The following NCDN variants were observed in gnomAD, a reference collection of about 807,000 sequenced individuals.
NCDN encodes the protein norbin.
Under a neutral mutation model 60.7 loss-of-function variants are expected in NCDN, and 9 were observed. The ratio of observed to expected loss-of-function variants is 0.15; its 90% CI spans 0.09 to 0.26. The LOEUF (loss-of-function observed/expected upper bound fraction) is 0.26. NCDN is among the 10% of genes least tolerant of loss of function. The pLI, the probability that NCDN is intolerant of heterozygous loss-of-function variation, is 1.00. For synonymous variants in NCDN, 409 were observed against 442.5 expected (o/e 0.92, Z 0.95); for missense variants, 578 against 975.2 (o/e 0.59, Z 5.42).
At position 35,558,146 on chromosome 1, in the gene NCDN, C is replaced by T; in HGVS notation, c.-45C>T. The T allele has an allele frequency of 6.2e-7, 1 of 1,612,258 alleles. No homozygotes were observed. The highest frequency in any genetic ancestry group is 8.5e-7 in the Non-Finnish European group (1 of 1,178,608). On this transcript the variant is annotated 5_prime_UTR_variant, in exon 1 of 7. Coordinates refer to ENST00000373243, the MANE Select transcript of NCDN (RefSeq NM_014284.3). The surrounding 1 kb of genome is among the most constrained non-coding windows in gnomAD (Gnocchi z 6.3). ...TGATCTCTCCGTGACATCACCGCGC[C>T]ATCGTGAAGTGTGATCTCATCGCCG...
Position 35,561,034 on chromosome 1 carries a change from G to T in NCDN, c.883G>T (p.Asp295Tyr), listed in dbSNP as rs369452951. ...CCGCCTGGCACACGCCTGCGGCTCC[G>T]ACTGGATCCCGGCGGGCAGCTCCGG... is the stretch of plus-strand genomic sequence containing the variant. ...AARLAHACGS[D>Y]WIPAGSSGSK... The change falls in exon 3 of 7, where the codon GAC (aspartate) becomes TAC (tyrosine). Residue 295 changes from aspartate to tyrosine, a missense_variant. Around this residue, in one of 3 missense-constraint regions of NCDN, gnomAD observed 363 missense variants for 583.6 expected, o/e 0.62. Transcript: ENST00000373243. The surrounding 1 kb of genome is among the most constrained non-coding windows in gnomAD (Gnocchi z 4.9). The T allele has an allele frequency of 1.2e-6, 2 of 1,612,972 alleles. No homozygotes were observed. Among genetic ancestry groups the T allele is most frequent in the South Asian group, 1.1e-5 (1 of 91,028 alleles).
Position 35,562,434 on chromosome 1 carries a change from G to C in NCDN, c.1186G>C (p.Val396Leu). The change falls in exon 4 of 7, where the codon GTG becomes CTG. Residue 396 changes from valine (V) to leucine (L), a missense_variant. Around this residue, in one of 3 missense-constraint regions of NCDN, gnomAD observed 363 missense variants for 583.6 expected, o/e 0.62. Coordinates refer to ENST00000373243, the MANE Select transcript of NCDN (RefSeq NM_014284.3). This position sits in a 1 kb window ranked among gnomAD's most constrained non-coding sequence, Gnocchi z 6.8. The part of the protein sequence containing the change: ...KQKEPFVFAS[V>L]RILGAWLAEE... ...GAAGGAGCCCTTTGTGTTTGCCTCGGTGCGGATCCTGGGTGCCTGGCTGGC... is the reference window on the plus strand; with the variant it reads ...GAAGGAGCCCTTTGTGTTTGCCTCGCTGCGGATCCTGGGTGCCTGGCTGGC... The C allele has an allele frequency of 6.2e-7, 1 of 1,614,194 alleles. No homozygotes were observed. The highest frequency in any genetic ancestry group is 8.5e-7 in the Non-Finnish European group (1 of 1,180,038).
In NCDN at chr1:35,558,757, C is replaced by T. The variant is rs577374953; in HGVS notation, c.34-350C>T. ...GTGTCCCTGTGGAGGGAGATAAAAC[C>T]CAGCCTCCGGTGCCAGGGGGACAGC... On this transcript the variant is annotated intron_variant, in intron 1 of 6. Transcript: ENST00000373243. The surrounding 1 kb of genome is among the most constrained non-coding windows in gnomAD (Gnocchi z 6.3). 182 of 1,134,822 alleles carry T rather than the reference C, an allele frequency of 1.6e-4. 1 individual carries two copies. The South Asian group carries it at 4.7e-3, about 29-fold the overall frequency. The allele number at this position is 1,134,822 out of a possible 1,614,324, so 70.3% of individuals were successfully genotyped here. A position where few individuals can be genotyped will look rare whatever the true frequency, so the allele number is the denominator to read the frequency against.
In NCDN at chr1:35,565,919, G is replaced by A. The variant is rs1355786460; in HGVS notation, c.*256G>A. On this transcript the variant is annotated 3_prime_UTR_variant, in exon 7 of 7. Coordinates refer to ENST00000373243, the MANE Select transcript of NCDN (RefSeq NM_014284.3). The surrounding 1 kb of genome is among the most constrained non-coding windows in gnomAD (Gnocchi z 8.9). ...TGGTTGTCCCCGCCAGGCCGGGGAA[G>A]GTTGGAGCAGCCCCCAGGGAGGGGG... is the stretch of plus-strand genomic sequence containing the variant. 2.0e-6 allele frequency: 1 copy of A among 491,490 alleles called. No homozygotes were observed. Among genetic ancestry groups the A allele is most frequent in the Non-Finnish European group, 3.6e-6 (1 of 274,346 alleles). The allele number at this position is 491,490 out of a possible 1,614,324, so 30.4% of individuals were successfully genotyped here. A position where few individuals can be genotyped will look rare whatever the true frequency, so the allele number is the denominator to read the frequency against.
rs954497596 is a variant in NCDN at position 35,557,834 on chromosome 1, C to T, written c.-357C>T. The T allele has an allele frequency of 1.1e-5, 6 of 551,782 alleles. No individual in the cohort carries two copies. Among genetic ancestry groups the T allele is most frequent in the Non-Finnish European group, 1.7e-5 (5 of 290,060 alleles). The allele number at this position is 551,782 out of a possible 1,614,324, so 34.2% of individuals were successfully genotyped here. On this transcript the variant is annotated 5_prime_UTR_variant, in exon 1 of 7. Coordinates refer to ENST00000373243, the MANE Select transcript of NCDN (RefSeq NM_014284.3). ...GCGGCGTGAGCAGCGGCCCGAGGCT[C>T]CCGGAGCATCGCGCTGGGAGAAGAC...
Position 35,563,298 on chromosome 1 carries a change from C to T in NCDN, c.1482C>T (p.Phe494=). 1 of 1,614,226 alleles carries T rather than the reference C, an allele frequency of 6.2e-7. No homozygotes were observed. Among genetic ancestry groups the T allele is most frequent in the Non-Finnish European group, 8.5e-7 (1 of 1,180,038 alleles). ...CCCCCTCGCTTCTGTGCAAGTATTT[C>T]CTGCAGCAGTGGGAACTCACATCCC... ...EGAPSLLCKY[F]LQQWELTSPG... is the part of the protein sequence containing the mutation. Residue 494 remains phenylalanine, a synonymous_variant, in exon 5 of 7, where the codon TTC becomes TTT. Transcript: ENST00000373243. The surrounding 1 kb of genome is among the most constrained non-coding windows in gnomAD (Gnocchi z 6.6).
In NCDN at chr1:35,558,435, C is replaced by CGCTGCT. The variant is rs1376036118; in HGVS notation, c.33+224_33+229dup. 31 of 1,428,760 alleles carry CGCTGCT rather than the reference C, an allele frequency of 2.2e-5. No individual in the cohort carries two copies. Among genetic ancestry groups the CGCTGCT allele is most frequent in the Middle Eastern group, 2.5e-4 (1 of 4,064 alleles). 88.5% of individuals were successfully genotyped at this position (1,428,760 alleles called of 1,614,324 possible). A position where few individuals can be genotyped will look rare whatever the true frequency, so the allele number is the denominator to read the frequency against. On this transcript the variant is annotated intron_variant, in intron 1 of 6. Transcript: ENST00000373243. This position sits in a 1 kb window ranked among gnomAD's most constrained non-coding sequence, Gnocchi z 6.3. The stretch of plus-strand genomic sequence containing the variant: ...GGGTTAATTCTGCTGCTGCCGCCGC[C>CGCTGCT]GCTGCTGCTGCTGCTGCAGCCTCTA...
In NCDN at chr1:35,562,773, G is replaced by A. The variant is rs1648745301; in HGVS notation, c.1385+140G>A. 14 of 1,276,160 alleles carry A rather than the reference G, an allele frequency of 1.1e-5. No individual in the cohort carries two copies. Among genetic ancestry groups the A allele is most frequent in the Non-Finnish European group, 1.3e-5 (12 of 955,020 alleles). The allele number at this position is 1,276,160 out of a possible 1,614,324, so 79.1% of individuals were successfully genotyped here. On this transcript the variant is annotated intron_variant, in intron 4 of 6. Coordinates refer to ENST00000373243, the MANE Select transcript of NCDN (RefSeq NM_014284.3). The surrounding 1 kb of genome is among the most constrained non-coding windows in gnomAD (Gnocchi z 6.8). ...TATCCCTTAGGGTTATTTCTGTTTT[G>A]GGGGGCTTGTTCCCACAGGACTCCT...
intron 2 of NCDN, among the ~76,000 whole-genome samples, chr1:35,559,984 C>A (rs1648642647): frequency 6.6e-6 from 1 of 152,088 alleles, no homozygotes; most frequent in African/African-American, 2.4e-5. Flanking sequence ...GACTTTAAAT[C>A]CTTGGGAGAT....
chr1:35,563,869 C>G lies in NCDN; in HGVS notation c.1713C>G (p.Thr571=), dbSNP rs918278780. Residue 571 remains threonine, a synonymous_variant, in exon 6 of 7, where the codon ACC becomes ACG. Coordinates refer to ENST00000373243, the MANE Select transcript of NCDN (RefSeq NM_014284.3). The surrounding 1 kb of genome is among the most constrained non-coding windows in gnomAD (Gnocchi z 6.6). ...TGCTTCTGGCTGCTAATGTGGCCAC[C>G]CTGGGGCTCCTCATGGCCCGGCTCC... ...GRLLLAANVA[T]LGLLMARLLS... 6.2e-7 allele frequency: 1 copy of G among 1,613,990 alleles called. No individual in the cohort carries two copies. Among genetic ancestry groups the G allele is most frequent in the Non-Finnish European group, 8.5e-7 (1 of 1,180,002 alleles).
rs1197796445 is a variant in NCDN at position 35,565,262 on chromosome 1, G to A, written c.1789G>A (p.Ala597Thr). Residue 597 changes from alanine to threonine, a missense_variant, in exon 7 of 7, where the codon GCA becomes ACA. Ala to Thr is a moderately conservative substitution (Grantham distance 58, BLOSUM62 0). Transcript: ENST00000373243. The surrounding 1 kb of genome is among the most constrained non-coding windows in gnomAD (Gnocchi z 8.9). The stretch of plus-strand genomic sequence containing the variant: ...AACACCAGCATCCCGAGGGTTCTTC[G>A]CAGCTGCCATCCTCTTCCTATCACA... ...QGTPASRGFF[A>T]AAILFLSQSH... The A allele has an allele frequency of 2.5e-6, 4 of 1,612,496 alleles. No homozygotes were observed. The highest frequency in any genetic ancestry group is 3.4e-6 in the Non-Finnish European group (4 of 1,178,942).
chr1:35,560,787 G>C lies in NCDN; in HGVS notation c.636G>C (p.Lys212Asn), dbSNP rs1304632319. The change falls in exon 3 of 7, where the codon AAG (lysine) becomes AAC (asparagine). Residue 212 changes from lysine to asparagine, a missense_variant. Physicochemically the swap from Lys to Asn is moderately conservative, Grantham distance 94. Transcript: ENST00000373243. This position sits in a 1 kb window ranked among gnomAD's most constrained non-coding sequence, Gnocchi z 7.6. The stretch of plus-strand genomic sequence containing the variant: ...CTGCTGCCGAGACACAGTGCTGGAA[G>C]GAGGCGGAGCCCGACCTGCTGGCCG... ...LLAAAETQCW[K>N]EAEPDLLAVL... 6.2e-7 allele frequency: 1 copy of C among 1,613,360 alleles called. No individual in the cohort carries two copies. Among genetic ancestry groups the C allele is most frequent in the South Asian group, 1.1e-5 (1 of 91,086 alleles).
In NCDN at chr1:35,557,843, T is replaced by C. The variant is rs750786783; in HGVS notation, c.-348T>C. ...GCAGCGGCCCGAGGCTCCCGGAGCA[T>C]CGCGCTGGGAGAAGACTTCGCCGCT... On this transcript the variant is annotated 5_prime_UTR_variant, in exon 1 of 7. Coordinates refer to ENST00000373243, the MANE Select transcript of NCDN (RefSeq NM_014284.3). The C allele has an allele frequency of 1.8e-5, 10 of 563,596 alleles. No homozygotes were observed. The highest frequency in any genetic ancestry group is 1.5e-4 in the South Asian group (10 of 65,372). 34.9% of individuals were successfully genotyped at this position (563,596 alleles called of 1,614,324 possible).
At position 35,560,210 on chromosome 1, in the gene NCDN, G is replaced by C. The variant is rs755754327; in HGVS notation, c.175-116G>C. Reference sequence around the variant, plus strand: ...AAAGGAGCTGGATGAAATGACCTCAGATGAGTCCTGTTGCATAACCTCATC... The same window carrying C: ...AAAGGAGCTGGATGAAATGACCTCACATGAGTCCTGTTGCATAACCTCATC... On this transcript the variant is annotated intron_variant, in intron 2 of 6. Coordinates refer to ENST00000373243, the MANE Select transcript of NCDN (RefSeq NM_014284.3). This position sits in a 1 kb window ranked among gnomAD's most constrained non-coding sequence, Gnocchi z 7.6. The C allele has an allele frequency of 1.6e-5, 22 of 1,354,498 alleles. No individual in the cohort carries two copies. Among genetic ancestry groups the C allele is most frequent in the Non-Finnish European group, 2.2e-5 (22 of 993,792 alleles). 83.9% of individuals were successfully genotyped at this position (1,354,498 alleles called of 1,614,324 possible). A position where few individuals can be genotyped will look rare whatever the true frequency, so the allele number is the denominator to read the frequency against.
chr1:35,558,425 CTGCCGCCGCCGCTGCTGCTGCT>C lies in NCDN; in HGVS notation c.33+203_33+224del. Reference sequence around the variant, plus strand: ...GGAGCGCAAGGGGTTAATTCTGCTGCTGCCGCCGCCGCTGCTGCTGCTGCTGCAGCCTCTACCCGAGGGAGGG... The same window carrying C: ...GGAGCGCAAGGGGTTAATTCTGCTGCGCTGCAGCCTCTACCCGAGGGAGGG... On this transcript the variant is annotated intron_variant, in intron 1 of 6. Transcript: ENST00000373243. This position sits in a 1 kb window ranked among gnomAD's most constrained non-coding sequence, Gnocchi z 6.3. The C allele has an allele frequency of 6.9e-7, 1 of 1,441,552 alleles. No homozygotes were observed. 89.3% of individuals were successfully genotyped at this position (1,441,552 alleles called of 1,614,324 possible). A position where few individuals can be genotyped will look rare whatever the true frequency, so the allele number is the denominator to read the frequency against.
Position 35,558,234 on chromosome 1 carries a change from C to A in NCDN, c.33+11C>A. On this transcript the variant is annotated intron_variant, in intron 1 of 6. Coordinates refer to ENST00000373243, the MANE Select transcript of NCDN (RefSeq NM_014284.3). This position sits in a 1 kb window ranked among gnomAD's most constrained non-coding sequence, Gnocchi z 6.3. ...GCTGCGGCGGGACAGGTGGTGACCG[C>A]CAGGAACCCTCCTCCCCTTCTCATC... 6.2e-7 allele frequency: 1 copy of A among 1,613,972 alleles called. No individual in the cohort carries two copies. The highest frequency in any genetic ancestry group is 8.5e-7 in the Non-Finnish European group (1 of 1,179,978).
At position 35,565,205 on chromosome 1, in the gene NCDN, C is replaced by G. The variant is rs779241250; in HGVS notation, c.1754-22C>G. 1.3e-6 allele frequency: 2 copies of G among 1,581,676 alleles called. No individual in the cohort carries two copies. The highest frequency in any genetic ancestry group is 3.4e-5 in the Admixed American group (2 of 58,792). On this transcript the variant is annotated intron_variant, in intron 6 of 6. Coordinates refer to ENST00000373243, the MANE Select transcript of NCDN (RefSeq NM_014284.3). The surrounding 1 kb of genome is among the most constrained non-coding windows in gnomAD (Gnocchi z 8.9). ...CAGCTGGCCTGTCCGATTCATGCCC[C>G]ACTCCTTCCGTTACCTTGCAGCTCT... is the stretch of plus-strand genomic sequence containing the variant.
chr1:35,565,745 G>C lies in NCDN; in HGVS notation c.*82G>C, dbSNP rs1557427581. 7.3e-6 allele frequency: 10 copies of C among 1,368,736 alleles called. No homozygotes were observed. The highest frequency in any genetic ancestry group is 2.5e-5 in the Admixed American group (1 of 39,590). 84.8% of individuals were successfully genotyped at this position (1,368,736 alleles called of 1,614,324 possible). On this transcript the variant is annotated 3_prime_UTR_variant, in exon 7 of 7. Transcript: ENST00000373243. The surrounding 1 kb of genome is among the most constrained non-coding windows in gnomAD (Gnocchi z 8.9). ...CATCTTCCCTGAAGCCCCCAATCTG[G>C]CCCCCCCCTCCCCAGACTTCCTCCC...
Position 35,566,735 on chromosome 1 carries a change from CTG to C in NCDN, c.*1075_*1076del, listed in dbSNP as rs1648891259. Reference sequence around the variant, plus strand: ...CGTTCTGTGATCGCCAAGTTCAAAGCTGTGCACATGTGGACACTCAATAAATG... The same window carrying C: ...CGTTCTGTGATCGCCAAGTTCAAAGCTGCACATGTGGACACTCAATAAATG... On this transcript the variant is annotated 3_prime_UTR_variant, in exon 7 of 7. Coordinates refer to ENST00000373243, the MANE Select transcript of NCDN (RefSeq NM_014284.3). The surrounding 1 kb of genome is among the most constrained non-coding windows in gnomAD (Gnocchi z 5.3). The C allele has an allele frequency of 2.1e-6, 1 of 465,996 alleles. No individual in the cohort carries two copies. Among genetic ancestry groups the C allele is most frequent in the East Asian group, 7.0e-5 (1 of 14,364 alleles). The allele number at this position is 465,996 out of a possible 1,614,324, so 28.9% of individuals were successfully genotyped here. A position where few individuals can be genotyped will look rare whatever the true frequency, so the allele number is the denominator to read the frequency against.
Sources: gnomAD v4.1 joint callset for allele counts (sites outside exome capture counted in the v4.1 genomes callset) on GRCh38, gnomAD v4.1.1 for gene constraint, gnomAD v4.1.1 regional missense constraint, Gnocchi (gnomAD v3.1) non-coding constraint, MANE v1.5 for transcripts, NCBI Gene and HGNC (gene_info 2026-07-23, HGNC 2026-07-21) for gene names.